Variants in NLK observed in about 807,000 individuals in gnomAD.
NLK encodes nemo like kinase.
NLK carries 11 observed loss-of-function variants against 59.0 expected under a neutral mutation model. That is an observed-to-expected ratio of 0.19 (90% confidence interval 0.12 to 0.31). The LOEUF (loss-of-function observed/expected upper bound fraction) is 0.31, where lower values mean the gene tolerates loss of function less well. NLK is among the 10% of genes least tolerant of loss of function. NLK has a pLI of 1.00. For missense variants in NLK, 410 were observed against 661.1 expected, an observed-to-expected ratio of 0.62 and a Z score of 4.16; for synonymous variants, 235 against 235.9, an observed-to-expected ratio of 1.00 and a Z score of 0.03.
At chr17:28,076,021 A>G (rs902932215) in intron 1 of NLK, among the ~76,000 whole-genome samples, 2 of 152,150 alleles carry the variant, frequency 1.3e-5, no homozygotes, top group South Asian at 2.1e-4. Context: ...CTTTTTTTGT[A>G]TATGTCTTAA....
At position 28,188,613 on chromosome 17, in the gene NLK, G is replaced by A. The variant is rs567059829; in HGVS notation, c.1237-2408G>A. 2.0e-5 allele frequency among the ~76,000 whole-genome samples: 3 copies of A among 152,236 alleles called. No individual in the cohort carries two copies. In the East Asian group the frequency reaches 5.8e-4, roughly 29 times the overall value. ...CTGCCTCAGCCTCCTGAATAGCTGGGATTACAGATGTGCGCCACCACACCC... is the reference window on the plus strand; with the variant it reads ...CTGCCTCAGCCTCCTGAATAGCTGGAATTACAGATGTGCGCCACCACACCC... On this transcript the variant is annotated intron_variant, in intron 8 of 10. Coordinates refer to ENST00000407008, the MANE Select transcript of NLK (RefSeq NM_016231.5).
At chr17:28,119,728 G>GA (rs747117499) in intron 1 of NLK, among the ~76,000 whole-genome samples, 1 of 152,066 alleles carries the variant, frequency 6.6e-6, no homozygotes, top group Non-Finnish European at 1.5e-5. Flanking sequence ...GTTACAAAGG[G>GA]AAAAAAATAG....
At position 28,123,505 on chromosome 17, in the gene NLK, C is replaced by T. The variant is rs143783055; in HGVS notation, c.588+773C>T. Among the ~76,000 whole-genome samples, 142 of 151,880 alleles carry T rather than the reference C, an allele frequency of 9.3e-4. 1 individual carries two copies. The East Asian group carries it at 0.022, about 23-fold the overall frequency. On this transcript the variant is annotated intron_variant, in intron 2 of 10. Transcript: ENST00000407008. ...TGCAAAGCAAATATTGATATTTAGC[C>T]GAGGAATAATACTAATATTCAACAC... is the stretch of plus-strand genomic sequence containing the variant.
At chr17:28,074,208 C>G (rs1202446679) in intron 1 of NLK, among the ~76,000 whole-genome samples, 3 of 152,144 alleles carry the variant, frequency 2.0e-5, no homozygotes, top group Non-Finnish European at 4.4e-5. Flanking sequence ...ACATTCACAT[C>G]CCAATTCTAA....
At chr17:28,199,665 C>CAAAAA (rs1303411168), downstream of NLK, among the ~76,000 whole-genome samples, 9 of 33,574 alleles carry the variant, frequency 2.7e-4, no homozygotes, top group East Asian at 2.8e-3. Context: ...GACTCTGTCT[C>CAAAAA]AAAAAAAAAA....
intron 6 of NLK, among the ~76,000 whole-genome samples, chr17:28,169,065 T>C (rs1597720502): frequency 2.6e-5 from 4 of 152,156 alleles, no homozygotes; most frequent in African/African-American, 9.6e-5. Context: ...TTTGTATTTT[T>C]AGTAGAGACA....
intron 1 of NLK, among the ~76,000 whole-genome samples, chr17:28,093,303 A>G (rs1904575635): frequency 6.6e-6 from 1 of 152,174 alleles, no homozygotes; most frequent in South Asian, 2.1e-4. Context: ...GCTCTGAAGT[A>G]TATACATACT....
At chr17:28,131,826 C>G (rs1906531145) in intron 2 of NLK, among the ~76,000 whole-genome samples, 1 of 152,104 alleles carries the variant, frequency 6.6e-6, no homozygotes, top group Non-Finnish European at 1.5e-5. Context: ...TTTCCTCACC[C>G]TAGTGACTTC....
At chr17:28,137,360 T>C (rs1309828963) in intron 3 of NLK, among the ~76,000 whole-genome samples, 1 of 152,096 alleles carries the variant, frequency 6.6e-6, no homozygotes, top group Non-Finnish European at 1.5e-5. Flanking sequence ...GTACATCGAG[T>C]CAAAAATATA....
intron 1 of NLK, among the ~76,000 whole-genome samples, chr17:28,096,217 C>G (rs1029241395): frequency 5.9e-5 from 9 of 152,088 alleles, no homozygotes; most frequent in African/African-American, 1.9e-4. Flanking sequence ...GGACTTTCTA[C>G]TGACTCACTA....
At chr17:28,158,784 C>T (rs1452903689) in intron 3 of NLK, among the ~76,000 whole-genome samples, 1 of 152,128 alleles carries the variant, frequency 6.6e-6, no homozygotes, top group African/African-American at 2.4e-5. Flanking sequence ...AGGCACAAGC[C>T]ACCACACCTG....
intron 1 of NLK, among the ~76,000 whole-genome samples, chr17:28,052,855 C>T (rs998388408): frequency 6.1e-5 from 9 of 148,674 alleles, no homozygotes; most frequent in Admixed American, 5.3e-4. Context: ...CCACACATGG[C>T]TACTGACCAG....
At chr17:28,174,161 T>C (rs920392374) in intron 7 of NLK, among the ~76,000 whole-genome samples, 1 of 152,178 alleles carries the variant, frequency 6.6e-6, no homozygotes, top group African/African-American at 2.4e-5. Flanking sequence ...CTGTGAAAAT[T>C]TTAAAAATCT....
chr17:28,095,166 C>G (rs970474676), intron 1 of NLK, among the ~76,000 whole-genome samples: 1 of 152,110 alleles, frequency 6.6e-6, no homozygotes, highest in African/African-American at 2.4e-5. Context: ...GGGAAAGAGA[C>G]CATGAGTTAT....
At chr17:28,144,900 A>T (rs1022915647) in intron 3 of NLK, among the ~76,000 whole-genome samples, 9 of 152,294 alleles carry the variant, frequency 5.9e-5, no homozygotes, top group South Asian at 4.1e-4. Context: ...AACCCAATTT[A>T]TTTGAGAGCA....
At chr17:28,156,920 T>C (rs890368005) in intron 3 of NLK, among the ~76,000 whole-genome samples, 3 of 152,050 alleles carry the variant, frequency 2.0e-5, no homozygotes, top group African/African-American at 4.8e-5. Flanking sequence ...AAAACCGTGG[T>C]TTTTTTTCTA....
intron 3 of NLK, among the ~76,000 whole-genome samples, chr17:28,158,961 C>T (rs892404779): frequency 3.3e-5 from 5 of 152,208 alleles, no homozygotes; most frequent in African/African-American, 9.6e-5. Flanking sequence ...CACCTTTATA[C>T]ATGTGGTCCA....
At chr17:28,202,116 C>A in the NLK span, among the ~76,000 whole-genome samples, 3 of 152,150 alleles carry the variant, frequency 2.0e-5, no homozygotes, top group African/African-American at 7.2e-5. Flanking sequence ...TACTCTTAGG[C>A]CCGACTGGGC....
chr17:28,154,278 T>G (rs1430699947), intron 3 of NLK, among the ~76,000 whole-genome samples: 3 of 152,192 alleles, frequency 2.0e-5, no homozygotes, highest in Non-Finnish European at 4.4e-5. Flanking sequence ...CAAGCCTGTT[T>G]AAGAAGTAGT....
Sources: allele counts gnomAD v4.1 joint callset (sites outside exome capture counted in the v4.1 genomes callset), GRCh38; gene constraint gnomAD v4.1.1; transcripts MANE v1.5; gene names NCBI Gene and HGNC (gene_info 2026-07-23, HGNC 2026-07-21).